Variants in MCC observed in about 807,000 individuals in gnomAD.
The protein encoded by MCC is MCC regulator of Wnt signaling pathway.
Under a neutral mutation model 116.2 loss-of-function variants are expected in MCC, and 90 were observed. The ratio of observed to expected loss-of-function variants is 0.77; its 90% CI spans 0.65 to 0.92. The LOEUF is 0.92. MCC is among the 40% of genes least tolerant of loss of function. MCC has a pLI of 0.00. For synonymous variants in MCC, 578 were observed against 510.5 expected (o/e 1.13, Z -1.78); for missense variants, 1,516 against 1,312.2 (o/e 1.16, Z -2.40).
At chr5:113,393,858 A>G (rs979803536) in intron 1 of MCC, among the ~76,000 whole-genome samples, 1 of 152,166 alleles carries the variant, frequency 6.6e-6, no homozygotes, top group Non-Finnish European at 1.5e-5. Context: ...TCTCTGTATG[A>G]AAGGTCCATA....
intron 3 of MCC, among the ~76,000 whole-genome samples, chr5:113,214,409 C>A (rs573433368): frequency 6.6e-6 from 1 of 152,200 alleles, no homozygotes. Context: ...TCATTCGCTG[C>A]GCTCCTATAC....
At chr5:113,419,781 A>T (rs1202729747) in intron 1 of MCC, among the ~76,000 whole-genome samples, 1 of 149,726 alleles carries the variant, frequency 6.7e-6, no homozygotes. Context: ...ACAAAAAACC[A>T]AACACCGCAT....
chr5:113,206,423 A>T (rs1374932735), intron 3 of MCC, among the ~76,000 whole-genome samples: 1 of 152,238 alleles, frequency 6.6e-6, no homozygotes, highest in East Asian at 1.9e-4. Context: ...CCAAATATTT[A>T]AATTTTTCGG....
chr5:113,350,045 C>T (rs370528763), intron 2 of MCC, among the ~76,000 whole-genome samples: 1 of 151,708 alleles, frequency 6.6e-6, no homozygotes, highest in Non-Finnish European at 1.5e-5. Flanking sequence ...TTGAAGAGAA[C>T]CCCCCCAAAA....
chr5:113,373,883 G>C (rs1321393240), intron 2 of MCC, among the ~76,000 whole-genome samples: 2 of 151,080 alleles, frequency 1.3e-5, no homozygotes, highest in African/African-American at 4.9e-5. Flanking sequence ...ATGCTAAGTT[G>C]AGAAGCTGAG....
At chr5:113,406,305 C>T (rs1367368793) in intron 1 of MCC, among the ~76,000 whole-genome samples, 2 of 152,146 alleles carry the variant, frequency 1.3e-5, no homozygotes, top group Non-Finnish European at 2.9e-5. Flanking sequence ...AAAGACATTG[C>T]TAGCTTAAGA....
intron 3 of MCC, among the ~76,000 whole-genome samples, chr5:113,203,533 C>T (rs1395157667): frequency 6.6e-6 from 1 of 151,906 alleles, no homozygotes; most frequent in African/African-American, 2.4e-5. Flanking sequence ...GCCCGGGGGG[C>T]CACCGAATAC....
At chr5:113,066,119 A>G (rs996265244) in intron 13 of MCC, among the ~76,000 whole-genome samples, 4 of 152,224 alleles carry the variant, frequency 2.6e-5, no homozygotes, top group Non-Finnish European at 5.9e-5. Flanking sequence ...TTAGGTAAAT[A>G]CAAAGCATTT....
intron 3 of MCC, among the ~76,000 whole-genome samples, chr5:113,284,831 T>C (rs1230407564): frequency 6.6e-6 from 1 of 152,246 alleles, no homozygotes; most frequent in Non-Finnish European, 1.5e-5. Context: ...ATATTTGTTA[T>C]AAATCAATAA....
chr5:113,031,390 G>A (rs949679920), intron 17 of MCC, among the ~76,000 whole-genome samples: 2 of 152,010 alleles, frequency 1.3e-5, no homozygotes, highest in East Asian at 1.9e-4. Context: ...TGTTGCAGGA[G>A]GGGGGCTCCT....
intron 3 of MCC, among the ~76,000 whole-genome samples, chr5:113,191,832 G>A (rs920013840): frequency 7.9e-5 from 12 of 152,182 alleles, no homozygotes. Context: ...CTTGATTTAG[G>A]TGTAGTGTCA....
At chr5:113,079,580 G>A (rs1449254978) in intron 11 of MCC, among the ~76,000 whole-genome samples, 11 of 152,324 alleles carry the variant, frequency 7.2e-5, no homozygotes, top group African/African-American at 2.4e-4. Context: ...GTTAATAAAT[G>A]GTGCTGGGAA....
intron 3 of MCC, among the ~76,000 whole-genome samples, chr5:113,274,293 A>G (rs1765730341): frequency 6.6e-6 from 1 of 152,228 alleles, no homozygotes; most frequent in South Asian, 2.1e-4. Flanking sequence ...TCCCCCTAGG[A>G]AAGGGGGAAA....
chr5:113,488,336 T>C lies in MCC; in HGVS notation c.79A>G (p.Ser27Gly), dbSNP rs575244177. The C allele has an allele frequency of 5.9e-5, 87 of 1,479,322 alleles. No individual in the cohort carries two copies. The Admixed American group carries it at 8.6e-4, about 15-fold the overall frequency. 91.6% of individuals were successfully genotyped at this position (1,479,322 alleles called of 1,614,324 possible). The part of the protein sequence containing the change: ...GGGGGSGSSS[S>G]SSDTSSTGEE... ...CCGGTGCTGGACGTGTCGCTGCTGCTGCTGCTGCTGCCGCTGCCGCCGCCG... is the reference window on the plus strand; with the variant it reads ...CCGGTGCTGGACGTGTCGCTGCTGCCGCTGCTGCTGCCGCTGCCGCCGCCG... The change falls in exon 1 of 19, where the codon AGC becomes GGC. Residue 27 changes from serine to glycine, a missense_variant. Physicochemically the swap from Ser to Gly is moderately conservative, Grantham distance 56 (BLOSUM62 0). Transcript: ENST00000408903.
intron 6 of MCC, among the ~76,000 whole-genome samples, chr5:113,122,058 C>T (rs570170785): frequency 5.3e-4 from 81 of 152,320 alleles, no homozygotes; most frequent in African/African-American, 1.9e-3. Flanking sequence ...ACTTGCTTTC[C>T]TATTAGCCTT....
chr5:113,459,857 C>G (rs966854544), intron 1 of MCC, among the ~76,000 whole-genome samples: 1 of 146,532 alleles, frequency 6.8e-6, no homozygotes, highest in Admixed American at 6.8e-5. Flanking sequence ...CACACACACA[C>G]AGGCATGCAT....
At chr5:113,037,680 T>A (rs1480059408) in intron 17 of MCC, among the ~76,000 whole-genome samples, 1 of 151,888 alleles carries the variant, frequency 6.6e-6, no homozygotes, top group Non-Finnish European at 1.5e-5. Flanking sequence ...GATGACAGAG[T>A]GAGACCCTGT....
chr5:113,394,648 G>A (rs551882830), intron 1 of MCC, among the ~76,000 whole-genome samples: 9 of 152,182 alleles, frequency 5.9e-5, no homozygotes, highest in South Asian at 4.1e-4. Flanking sequence ...AAACTCCAGC[G>A]CATGTTTCAT....
intron 2 of MCC, among the ~76,000 whole-genome samples, chr5:113,354,802 A>ATTG (rs149880843): frequency 1.3e-5 from 2 of 148,416 alleles, no homozygotes; most frequent in Admixed American, 6.7e-5. Flanking sequence ...TATTATTATT[A>ATTG]TTATTCAACA....
Sources: gnomAD v4.1 joint callset for allele counts (sites outside exome capture counted in the v4.1 genomes callset) on GRCh38, gnomAD v4.1.1 for gene constraint, MANE v1.5 for transcripts, NCBI Gene and HGNC (gene_info 2026-07-23, HGNC 2026-07-21) for gene names.